DLG2: variants seen among roughly 807,000 people sequenced by gnomAD.
DLG2 encodes disks large homolog 2.
A neutral mutation model predicts 132.5 loss-of-function variants in DLG2; 45 were observed. That is an observed-to-expected ratio of 0.34 (90% CI 0.27 to 0.44). DLG2 has a LOEUF of 0.44. DLG2 is among the 20% of genes least tolerant of loss of function. The pLI is 1.00. For synonymous variants in DLG2, 424 were observed against 419.6 expected, an observed-to-expected ratio of 1.01 and a Z score of -0.13; for missense variants, 1,045 against 1,196.9, an observed-to-expected ratio of 0.87 and a Z score of 1.87.
At chr11:85,072,840 C>G (rs1359913633) in intron 6 of DLG2, among the ~76,000 whole-genome samples, 2 of 151,946 alleles carry the variant, frequency 1.3e-5, no homozygotes, top group East Asian at 3.9e-4. Context: ...GAAAATTGAT[C>G]AGTCATTCAG....
intron 6 of DLG2, among the ~76,000 whole-genome samples, chr11:85,040,477 A>G (rs1313411846): frequency 6.6e-6 from 1 of 151,992 alleles, no homozygotes; most frequent in African/African-American, 2.4e-5. Context: ...ATCTTGCCAA[A>G]ATACCATTTC....
At chr11:85,395,326 C>T (rs1411857335) in intron 3 of DLG2, among the ~76,000 whole-genome samples, 1 of 152,120 alleles carries the variant, frequency 6.6e-6, no homozygotes, top group African/African-American at 2.4e-5. Context: ...GTCTGCAGCT[C>T]CCAGCAATAT....
At chr11:83,978,517 C>T (rs904837322) in intron 12 of DLG2, among the ~76,000 whole-genome samples, 2 of 151,928 alleles carry the variant, frequency 1.3e-5, no homozygotes, top group African/African-American at 4.8e-5. Flanking sequence ...CCTTTGTTGT[C>T]CAGAAGATAG....
chr11:84,740,330 AT>A (rs904758290), intron 6 of DLG2, among the ~76,000 whole-genome samples: 11 of 152,046 alleles, frequency 7.2e-5, no homozygotes, highest in African/African-American at 2.7e-4. Context: ...GGTAAACAGA[AT>A]AATCCCATCA....
chr11:83,744,477 A>G (rs750175090), intron 18 of DLG2, among the ~76,000 whole-genome samples: 16 of 152,204 alleles, frequency 1.1e-4, no homozygotes, highest in Non-Finnish European at 2.2e-4. Flanking sequence ...CTGTGAACTC[A>G]TTTCCCATAT....
At chr11:83,967,099 TGCATATATA>T (rs1397317999) in intron 12 of DLG2, among the ~76,000 whole-genome samples, 1 of 152,120 alleles carries the variant, frequency 6.6e-6, no homozygotes, top group Non-Finnish European at 1.5e-5. Context: ...TATTTCATTG[TGCATATATA>T]CCACATTTTC....
intron 6 of DLG2, among the ~76,000 whole-genome samples, chr11:84,534,968 A>G (rs1464871505): frequency 6.6e-6 from 1 of 152,142 alleles, no homozygotes; most frequent in African/African-American, 2.4e-5. Context: ...GCCTGATAAT[A>G]TACTCTCTTT....
At chr11:84,309,090 G>C (rs1264916785) in intron 7 of DLG2, among the ~76,000 whole-genome samples, 3 of 152,098 alleles carry the variant, frequency 2.0e-5, no homozygotes, top group Non-Finnish European at 4.4e-5. Flanking sequence ...CCAGCACGCT[G>C]TCACCTCTCA....
At chr11:84,636,189 T>C (rs904777068) in intron 6 of DLG2, among the ~76,000 whole-genome samples, 1 of 152,240 alleles carries the variant, frequency 6.6e-6, no homozygotes, top group African/African-American at 2.4e-5. Flanking sequence ...GAAGTATGTA[T>C]ATGCACATGT....
intron 6 of DLG2, among the ~76,000 whole-genome samples, chr11:84,705,786 A>C (rs566722952): frequency 6.6e-6 from 1 of 151,824 alleles, no homozygotes; most frequent in Admixed American, 6.6e-5. Context: ...TATCTTAAAA[A>C]TGAAGTATGA....
At chr11:84,528,184 A>G (rs148037169) in intron 7 of DLG2, among the ~76,000 whole-genome samples, 26 of 152,272 alleles carry the variant, frequency 1.7e-4, no homozygotes, top group Middle Eastern at 3.4e-3. Context: ...TGAAAAGAAA[A>G]TTCTTGTGGT....
intron 3 of DLG2, among the ~76,000 whole-genome samples, chr11:85,400,836 G>A (rs1159032442): frequency 6.6e-6 from 1 of 151,496 alleles, no homozygotes; most frequent in East Asian, 1.9e-4. Context: ...AATGCTAAAT[G>A]ACGAGTTAAT....
intron 18 of DLG2, among the ~76,000 whole-genome samples, chr11:83,656,315 G>A (rs1483145604): frequency 6.6e-6 from 1 of 152,164 alleles, no homozygotes; most frequent in African/African-American, 2.4e-5. Context: ...ATCCCTGCAG[G>A]CAACAAGAAC....
chr11:84,118,393 G>A (rs536269136), intron 9 of DLG2, among the ~76,000 whole-genome samples: 4 of 152,160 alleles, frequency 2.6e-5, no homozygotes, highest in Admixed American at 6.5e-5. Flanking sequence ...GGCAAAATCC[G>A]ATCAGACTTT....
intron 8 of DLG2, among the ~76,000 whole-genome samples, chr11:84,174,198 C>T (rs552082258): frequency 2.0e-5 from 3 of 151,448 alleles, no homozygotes; most frequent in Non-Finnish European, 4.4e-5. Flanking sequence ...TTATCAATTC[C>T]CGCCATCCTA....
At chr11:84,269,009 C>A (rs1012028191) in intron 7 of DLG2, among the ~76,000 whole-genome samples, 4 of 139,138 alleles carry the variant, frequency 2.9e-5, no homozygotes, top group Admixed American at 7.6e-5. Flanking sequence ...TGTTTTATTT[C>A]TTTTGTTTTG....
intron 18 of DLG2, among the ~76,000 whole-genome samples, chr11:83,779,013 G>C (rs2094700074): frequency 6.6e-6 from 1 of 152,032 alleles, no homozygotes; most frequent in Non-Finnish European, 1.5e-5. Context: ...TGTGGAGAAA[G>C]AAATGTCTAA....
At chr11:83,912,854 C>G (rs2076303204) in intron 15 of DLG2, among the ~76,000 whole-genome samples, 1 of 152,068 alleles carries the variant, frequency 6.6e-6, no homozygotes, top group East Asian at 1.9e-4. Flanking sequence ...TCCATGAGTG[C>G]TGGAATTACA....
chr11:85,357,383 G>A (rs975039831), intron 3 of DLG2, among the ~76,000 whole-genome samples: 1 of 149,758 alleles, frequency 6.7e-6, no homozygotes, highest in South Asian at 2.1e-4. Context: ...TAGTAGAGAA[G>A]GGTTTTCACC....
Sources: allele counts gnomAD v4.1 joint callset (sites outside exome capture counted in the v4.1 genomes callset), GRCh38; gene constraint gnomAD v4.1.1; transcripts MANE v1.5; gene names NCBI Gene and HGNC (gene_info 2026-07-23, HGNC 2026-07-21).